BARD1: variants seen among roughly 807,000 people sequenced by gnomAD.
BARD1 encodes BRCA1 associated RING domain 1.
Under a neutral mutation model 77.0 loss-of-function variants are expected in BARD1, and 73 were observed. The observed-to-expected ratio is 0.95, with a 90% CI of 0.79 to 1.15. BARD1 has a LOEUF of 1.15. Ranked by LOEUF, BARD1 falls within the 50% of genes most tolerant of loss-of-function variation. The pLI is 0.00. For missense variants in BARD1, 993 were observed against 938.8 expected (o/e 1.06, Z -0.75); for synonymous variants, 384 against 338.0 (o/e 1.14, Z -1.49).
intron 6 of BARD1, among the ~76,000 whole-genome samples, chr2:214,766,998 C>T (rs974845457): frequency 6.6e-6 from 1 of 152,134 alleles, no homozygotes; most frequent in African/African-American, 2.4e-5. Context: ...CAAGTAGACT[C>T]TGGTGTCTGT....
At position 214,780,722 on chromosome 2, in the gene BARD1, G is replaced by A. The variant is rs368291318; in HGVS notation, c.1152C>T (p.Ser384=). Residue 384 remains serine, a synonymous_variant, in exon 4 of 11, where the codon TCC becomes TCT. Coordinates refer to ENST00000260947, the MANE Select transcript of BARD1 (RefSeq NM_000465.4). ...GTSGRKNSNM[S]DEFISLSPGT... ...CTGGTGAAAGACTAATGAATTCATC[G>A]GACATGTTACTGTTTTTCCTCCCTG... 242 of 1,613,906 alleles carry A rather than the reference G, an allele frequency of 1.5e-4. No homozygotes were observed. Among genetic ancestry groups the A allele is most frequent in the Non-Finnish European group, 1.8e-4 (214 of 1,179,966 alleles).
At chr2:214,785,539 G>A (rs1695234104) in intron 3 of BARD1, among the ~76,000 whole-genome samples, 1 of 151,948 alleles carries the variant, frequency 6.6e-6, no homozygotes, top group Non-Finnish European at 1.5e-5. Context: ...CGTAAGAGAT[G>A]TTAGAATTAA....
chr2:214,753,201 G>GA (rs1216048481), intron 6 of BARD1, among the ~76,000 whole-genome samples: 1 of 151,702 alleles, frequency 6.6e-6, no homozygotes, highest in East Asian at 1.9e-4. Context: ...TTCAAGATAA[G>GA]AAAAAAAAGA....
chr2:214,796,979 C>T (rs1695782602), intron 2 of BARD1, 82 bp downstream of exon 2: 2 of 1,068,100 alleles, frequency 1.9e-6, no homozygotes, highest in Non-Finnish European at 2.9e-6. Context: ...ACATCAAGTA[C>T]CATTATTATC....
chr2:214,791,752 G>T (rs1215176719), intron 3 of BARD1, among the ~76,000 whole-genome samples: 1 of 152,158 alleles, frequency 6.6e-6, no homozygotes, highest in Non-Finnish European at 1.5e-5. Flanking sequence ...TTGGGAAAGT[G>T]TATTTAAGTG....
chr2:214,808,003 T>A (rs1696353898), intron 1 of BARD1, among the ~76,000 whole-genome samples: 1 of 152,262 alleles, frequency 6.6e-6, no homozygotes, highest in Non-Finnish European at 1.5e-5. Context: ...TACTCACTTA[T>A]CTGAGTGTCA....
chr2:214,767,536 C>A lies in BARD1; in HGVS notation c.1514G>T (p.Gly505Val), dbSNP rs1060501304. The change falls in exon 6 of 11, where the codon GGG (glycine) becomes GTG (valine). Residue 505 changes from glycine (G) to valine (V), a missense_variant. Transcript: ENST00000260947. ...DSPLHDAAKN[G>V]HVDIVKLLLS... is the part of the protein sequence containing the mutation. ...TAACAGCTTGACTATATCCACATGC[C>A]CATTCTTGGCTGCATCGTGAAGTGG... is the stretch of plus-strand genomic sequence containing the variant. The A allele has an allele frequency of 6.2e-7, 1 of 1,613,978 alleles. No homozygotes were observed. Among genetic ancestry groups the A allele is most frequent in the Non-Finnish European group, 8.5e-7 (1 of 1,179,912 alleles).
At chr2:214,789,668 G>A (rs1000821825) in intron 3 of BARD1, among the ~76,000 whole-genome samples, 4 of 152,164 alleles carry the variant, frequency 2.6e-5, no homozygotes, top group South Asian at 2.1e-4. Context: ...GAACCAAAAA[G>A]TTGTGTAAAA....
At chr2:214,729,180 C>T (rs568072727) in intron 10 of BARD1, among the ~76,000 whole-genome samples, 172 bp from the exon 11 acceptor site, 1 of 152,334 alleles carries the variant, frequency 6.6e-6, no homozygotes, top group South Asian at 2.1e-4. Flanking sequence ...TTTGCATATA[C>T]ATGAGGTATC....
In BARD1 at chr2:214,803,165, T is replaced by C. The variant is rs562761696; in HGVS notation, c.159-6048A>G. Among the ~76,000 whole-genome samples the C allele has an allele frequency of 6.8e-5, 10 of 147,460 alleles. No homozygotes were observed. The South Asian group carries it at 1.9e-3, about 28-fold the overall frequency. On this transcript the variant is annotated intron_variant, in intron 1 of 10. Coordinates refer to ENST00000260947, the MANE Select transcript of BARD1 (RefSeq NM_000465.4). Reference sequence around the variant, plus strand: ...GTCATCACCACTCCCTAATCTCAAGTACCCAGGGACACAAACACTGCGGAA... The same window carrying C: ...GTCATCACCACTCCCTAATCTCAAGCACCCAGGGACACAAACACTGCGGAA...
chr2:214,798,547 C>T lies in BARD1; in HGVS notation c.159-1430G>A, dbSNP rs182329882. On this transcript the variant is annotated intron_variant, in intron 1 of 10. Coordinates refer to ENST00000260947, the MANE Select transcript of BARD1 (RefSeq NM_000465.4). ...TTACATCGCCCTGGCCAAACCTCCA[C>T]CTTCAGGTTGCTCTCTACCTTGAAA... 9.2e-5 allele frequency among the ~76,000 whole-genome samples: 14 copies of T among 152,162 alleles called. 1 individual carries two copies. Among genetic ancestry groups the T allele is most frequent in the African/African-American group, 2.7e-4 (11 of 41,506 alleles).
Position 214,809,443 on chromosome 2 carries a change from G to C in BARD1, c.127C>G (p.Arg43Gly), listed in dbSNP as rs752871324. The change falls in exon 1 of 11, where the codon CGC (arginine) becomes GGC (glycine). Residue 43 changes from arginine to glycine, a missense_variant. Arg to Gly is a moderately radical substitution (Grantham distance 125). Coordinates refer to ENST00000260947, the MANE Select transcript of BARD1 (RefSeq NM_000465.4). ...GAGCAGCGCAGCAGCTTCTCCAGGC[G>C]GTCGAGCGCGGCGCGACTGTGGGCC... Reference protein sequence around the residue: ...AWAHSRAALDRLEKLLRCSRC... With the variant: ...AWAHSRAALDGLEKLLRCSRC... 1.2e-6 allele frequency: 2 copies of C among 1,611,782 alleles called. No individual in the cohort carries two copies. The highest frequency in any genetic ancestry group is 1.7e-6 in the Non-Finnish European group (2 of 1,179,712).
chr2:214,730,800 T>C lies in BARD1; in HGVS notation c.1904-292A>G, dbSNP rs182936176. 66 of 476,966 alleles carry C rather than the reference T, an allele frequency of 1.4e-4. No homozygotes were observed. In the East Asian group the frequency reaches 2.9e-3, roughly 21 times the overall value. 29.5% of individuals were successfully genotyped at this position (476,966 alleles called of 1,614,324 possible). Reference sequence around the variant, plus strand: ...CCTTTCTGAAAAACCTAAGCCAGGATACTATTTCAAAGACAAAAATAAAAG... The same window carrying C: ...CCTTTCTGAAAAACCTAAGCCAGGACACTATTTCAAAGACAAAAATAAAAG... On this transcript the variant is annotated intron_variant, in intron 9 of 10. Coordinates refer to ENST00000260947, the MANE Select transcript of BARD1 (RefSeq NM_000465.4).
intron 4 of BARD1, among the ~76,000 whole-genome samples, chr2:214,776,789 G>A (rs1158917399): frequency 1.3e-5 from 2 of 152,124 alleles, no homozygotes; most frequent in African/African-American, 4.8e-5. Flanking sequence ...CTTGAGATGG[G>A]GAGATTATTC....
rs955904953 is a variant in BARD1, at chr2:214,809,470, A to G, written c.100T>C (p.Trp34Arg). The change falls in exon 1 of 11, where the codon TGG becomes CGG. Residue 34 changes from tryptophan (W) to arginine (R), a missense_variant. By Grantham distance (101) the Trp-to-Arg change is moderately radical. Transcript: ENST00000260947. ...TCGAGCGCGGCGCGACTGTGGGCCC[A>G]GGCACCGCGACCATCCGGTTCCATG... The part of the protein sequence containing the change: ...PAMEPDGRGA[W>R]AHSRAALDRL... The G allele has an allele frequency of 6.2e-7, 1 of 1,610,494 alleles. No individual in the cohort carries two copies. The highest frequency in any genetic ancestry group is 8.5e-7 in the Non-Finnish European group (1 of 1,179,340).
chr2:214,731,614 A>C (rs1422777070), intron 9 of BARD1, among the ~76,000 whole-genome samples: 1 of 152,228 alleles, frequency 6.6e-6, no homozygotes, highest in African/African-American at 2.4e-5. Flanking sequence ...AAAATGCAAG[A>C]AGCATTCTAA....
chr2:214,800,639 C>T (rs1034280651), intron 1 of BARD1, among the ~76,000 whole-genome samples: 12 of 152,080 alleles, frequency 7.9e-5, no homozygotes. Context: ...TATTCCACTG[C>T]CAGGAATTTG....
At chr2:214,796,610 C>T (rs771177106) in intron 2 of BARD1, among the ~76,000 whole-genome samples, 8 of 152,192 alleles carry the variant, frequency 5.3e-5, no homozygotes, top group Non-Finnish European at 1.2e-4. Context: ...TGATCTTAGA[C>T]TCCTAGCCTA....
At position 214,780,715 on chromosome 2, in the gene BARD1, A is replaced by C; in HGVS notation, c.1159T>G (p.Phe387Val). The C allele has an allele frequency of 6.2e-7, 1 of 1,614,080 alleles. No homozygotes were observed. The highest frequency in any genetic ancestry group is 8.5e-7 in the Non-Finnish European group (1 of 1,179,966). The change falls in exon 4 of 11, where the codon TTC (phenylalanine) becomes GTC (valine). Residue 387 changes from phenylalanine (F) to valine (V), a missense_variant. By Grantham distance (50) the Phe-to-Val change is conservative (BLOSUM62 -1). Coordinates refer to ENST00000260947, the MANE Select transcript of BARD1 (RefSeq NM_000465.4). ...GRKNSNMSDE[F>V]ISLSPGTPPS... ...GGTGTACCTGGTGAAAGACTAATGA[A>C]TTCATCGGACATGTTACTGTTTTTC...
Sources: gnomAD v4.1 joint callset for allele counts (sites outside exome capture counted in the v4.1 genomes callset) on GRCh38, gnomAD v4.1.1 for gene constraint, MANE v1.5 for transcripts, NCBI Gene and HGNC (gene_info 2026-07-23, HGNC 2026-07-21) for gene names.